MTRFR: variants seen among roughly 807,000 people sequenced by gnomAD.
The protein encoded by MTRFR is mitochondrial translation release factor in rescue.
A neutral mutation model predicts 11.9 loss-of-function variants in MTRFR; 10 were observed. The ratio of observed to expected loss-of-function variants is 0.84; its 90% CI spans 0.52 to 1.42. The LOEUF is 1.42. Ranked by LOEUF, MTRFR falls within the 40% of genes most tolerant of loss-of-function variation. The pLI is 0.00. For synonymous variants in MTRFR, 77 were observed against 79.1 expected, an observed-to-expected ratio of 0.97 and a Z score of 0.14; for missense variants, 196 against 197.9, an observed-to-expected ratio of 0.99 and a Z score of 0.06.
At chr12:123,237,195 G>T (rs1484473999) in intron 1 of MTRFR, among the ~76,000 whole-genome samples, 2 of 152,088 alleles carry the variant, frequency 1.3e-5, no homozygotes, top group Non-Finnish European at 2.9e-5. Flanking sequence ...TGTGGCTCAC[G>T]CCTGTAATCC....
At chr12:123,234,126 T>C (rs1390369132) in intron 1 of MTRFR, among the ~76,000 whole-genome samples, 2 of 151,944 alleles carry the variant, frequency 1.3e-5, no homozygotes, top group Non-Finnish European at 2.9e-5. Flanking sequence ...GGGAACTCGC[T>C]CTCCTCCCCG....
intron 2 of MTRFR, among the ~76,000 whole-genome samples, chr12:123,256,157 A>G (rs1042915007): frequency 6.6e-6 from 1 of 152,228 alleles, no homozygotes; most frequent in Admixed American, 6.5e-5. Flanking sequence ...CTGACTAATA[A>G]TAAAGATGCT....
chr12:123,252,196 G>A (rs1350170762), intron 1 of MTRFR: 1 of 152,282 alleles, frequency 6.6e-6, no homozygotes, highest in African/African-American at 2.4e-5. Context: ...AACTTTGGGA[G>A]GCTGAAGCAG....
chr12:123,257,006 G>A lies in MTRFR; in HGVS notation c.476G>A (p.Trp159Ter). 1 of 1,612,752 alleles carries A rather than the reference G, an allele frequency of 6.2e-7. No individual in the cohort carries two copies. The highest frequency in any genetic ancestry group is 2.2e-5 in the East Asian group (1 of 44,866). Reference sequence around the variant, plus strand: ...AAAAAGAAGCTACTTAAAGAACTGTGGGAGTCAAGTAAAAAGGTCCACTGA... The same window carrying A: ...AAAAAGAAGCTACTTAAAGAACTGTAGGAGTCAAGTAAAAAGGTCCACTGA... ...LEKKKLLKEL[W>*]ESSKKVH The change falls in exon 3 of 3, where the codon TGG becomes TAG. Residue 159 changes from tryptophan (W) to a stop codon, truncating the protein, a stop_gained. Coordinates refer to ENST00000253233, the MANE Select transcript of MTRFR (RefSeq NM_152269.5). LOFTEE classifies it high-confidence loss of function.
intron 1 of MTRFR, among the ~76,000 whole-genome samples, chr12:123,246,416 T>C (rs1024414542): frequency 3.9e-5 from 6 of 152,168 alleles, no homozygotes; most frequent in Non-Finnish European, 1.5e-5. Context: ...GTTATTTAAT[T>C]TGCATGTATT....
At chr12:123,250,533 T>C (rs1027907825) in intron 1 of MTRFR, 1 of 152,248 alleles carries the variant, frequency 6.6e-6, no homozygotes, top group African/African-American at 2.4e-5. Flanking sequence ...CAGATTCTTT[T>C]GTCCCATGGG....
intron 1 of MTRFR, among the ~76,000 whole-genome samples, chr12:123,237,067 A>C (rs10744150): frequency 0.59 from 89,584 of 151,788 alleles, 30,702 homozygotes; most frequent in Non-Finnish European, 0.75. Flanking sequence ...GCTGGGTGAC[A>C]GAGTGAGACT....
Position 123,253,642 on chromosome 12 carries a change from C to G in MTRFR, c.-28-5C>G, listed in dbSNP as rs1201548534. The G allele has an allele frequency of 6.2e-7, 1 of 1,613,808 alleles. No individual in the cohort carries two copies. The highest frequency in any genetic ancestry group is 8.5e-7 in the Non-Finnish European group (1 of 1,179,994). On this transcript the variant is annotated splice_polypyrimidine_tract_variant and splice_region_variant and intron_variant, in intron 1 of 2. Transcript: ENST00000253233. ...CTGAAAGCTCTCCTTATTCATCTAA[C>G]CCAGGTCCTCAGCCAGCAGAGCCAC...
chr12:123,250,347 C>T (rs2048098005), intron 1 of MTRFR: 1 of 152,174 alleles, frequency 6.6e-6, no homozygotes, highest in Non-Finnish European at 1.5e-5. Flanking sequence ...TGATTAATAA[C>T]TAACCTCCTG....
chr12:123,253,962 T>G lies in MTRFR; in HGVS notation c.282+6T>G. 1 of 1,614,040 alleles carries G rather than the reference T, an allele frequency of 6.2e-7. No individual in the cohort carries two copies. The highest frequency in any genetic ancestry group is 8.5e-7 in the Non-Finnish European group (1 of 1,179,964). Reference sequence around the variant, plus strand: ...CCTCAGGCATCGTTGTAAAGGTAGATCACAGAAGGCCGCTGAGGGGAGAGG... The same window carrying G: ...CCTCAGGCATCGTTGTAAAGGTAGAGCACAGAAGGCCGCTGAGGGGAGAGG... On this transcript the variant is annotated splice_donor_region_variant and intron_variant, in intron 2 of 2. Transcript: ENST00000253233.
intron 1 of MTRFR, among the ~76,000 whole-genome samples, chr12:123,234,741 TTTAAA>T (rs1335952593): frequency 3.3e-5 from 5 of 152,214 alleles, no homozygotes; most frequent in Admixed American, 2.6e-4. Context: ...TTCATGATTT[TTTAAA>T]TTATATTACA....
chr12:123,233,810 A>G (rs2047776707), intron 1 of MTRFR: 1 of 152,812 alleles, frequency 6.5e-6, no homozygotes, highest in Non-Finnish European at 1.5e-5. Flanking sequence ...CGTCCTGGAG[A>G]TAACGGTTCC....
rs1175407024 is a variant in MTRFR, at chr12:123,255,667, C to T, written c.283-1146C>T. On this transcript the variant is annotated intron_variant, in intron 2 of 2. Transcript: ENST00000253233. ...TTTGAGACAGTCTTGCTCTATTGCC[C>T]AGGCTGGAGTGCAGTGGCGCAATCT... Among the ~76,000 whole-genome samples the T allele has an allele frequency of 2.0e-5, 3 of 152,132 alleles. No individual in the cohort carries two copies. The East Asian group carries it at 5.8e-4, about 29-fold the overall frequency.
chr12:123,251,397 G>A (rs2048109844), intron 1 of MTRFR: 1 of 152,250 alleles, frequency 6.6e-6, no homozygotes, highest in Non-Finnish European at 1.5e-5. Flanking sequence ...TTCGACTAGA[G>A]AATTCTTCTC....
chr12:123,256,343 C>T (rs915792470), intron 2 of MTRFR, among the ~76,000 whole-genome samples: 3 of 152,190 alleles, frequency 2.0e-5, no homozygotes, highest in African/African-American at 7.2e-5. Context: ...TTAAAACAAT[C>T]ACACTGAAAG....
intron 1 of MTRFR, among the ~76,000 whole-genome samples, chr12:123,238,496 C>G (rs1174633257): frequency 6.6e-6 from 1 of 152,016 alleles, no homozygotes; most frequent in African/African-American, 2.4e-5. Context: ...ACATGCTGGG[C>G]ATGGTGGCTC....
chr12:123,256,661 A>G, intron 2 of MTRFR, 152 bp from the exon 3 acceptor site: 1 of 666,906 alleles, frequency 1.5e-6, no homozygotes, highest in Non-Finnish European at 2.6e-6. Flanking sequence ...ACACCATTGC[A>G]CTCTAGCCTG....
chr12:123,239,777 T>C (rs1229757491), intron 1 of MTRFR, among the ~76,000 whole-genome samples: 1 of 152,096 alleles, frequency 6.6e-6, no homozygotes, highest in Admixed American at 6.6e-5. Context: ...TTATTTTTTT[T>C]TCCCCCAGAT....
intron 1 of MTRFR, chr12:123,244,010 TG>T (rs756771270): frequency 6.6e-6 from 1 of 152,200 alleles, no homozygotes; most frequent in Non-Finnish European, 1.5e-5. Context: ...AGTGATCTGC[TG>T]GATGTCCAGT....
Sources: gnomAD v4.1 joint callset for allele counts (sites outside exome capture counted in the v4.1 genomes callset) on GRCh38, gnomAD v4.1.1 for gene constraint, MANE v1.5 for transcripts, NCBI Gene and HGNC (gene_info 2026-07-23, HGNC 2026-07-21) for gene names.